CAPN12: variants seen among roughly 807,000 people sequenced by gnomAD.
The protein encoded by CAPN12 is calpain 12.
A neutral mutation model predicts 95.0 loss-of-function variants in CAPN12; 107 were observed. The ratio of observed to expected loss-of-function variants is 1.13; its 90% CI spans 0.96 to 1.32. The LOEUF (loss-of-function observed/expected upper bound fraction) is 1.32. Among genes scored for constraint, CAPN12 ranks in the 40% most tolerant of loss-of-function variants. The pLI is 0.00. For synonymous variants in CAPN12, 505 were observed against 415.5 expected (o/e 1.22, Z -2.62); for missense variants, 1,136 against 997.8 (o/e 1.14, Z -1.87).
chr19:38,733,455 A>C, intron 18 of CAPN12: 8 of 486,892 alleles, frequency 1.6e-5, no homozygotes, highest in South Asian at 6.1e-5. Context: ...TCCCTGCCCC[A>C]GAACCCCTAC....
chr19:38,733,551 C>T (rs1027854044), intron 18 of CAPN12, 152 bp downstream of exon 18: 6 of 674,664 alleles, frequency 8.9e-6, no homozygotes, highest in South Asian at 3.8e-5. Flanking sequence ...TCAGGGTCAC[C>T]CAACCCCTGC....
In CAPN12 at chr19:38,738,181, A is replaced by C. The variant is rs1299834043; in HGVS notation, c.965+92T>G. Reference sequence around the variant, plus strand: ...CCACCGATGTACACAGTTTCTCCCTATTAGGACCCATCCTTCAACTGGGGC... The same window carrying C: ...CCACCGATGTACACAGTTTCTCCCTCTTAGGACCCATCCTTCAACTGGGGC... On this transcript the variant is annotated intron_variant, in intron 8 of 20. Transcript: ENST00000328867. 10 of 1,327,676 alleles carry C rather than the reference A, an allele frequency of 7.5e-6. No individual in the cohort carries two copies. The East Asian group carries it at 9.6e-5, about 13-fold the overall frequency. The allele number at this position is 1,327,676 out of a possible 1,614,324, so 82.2% of individuals were successfully genotyped here.
intron 2 of CAPN12, 44 bp from the exon 3 acceptor site, chr19:38,742,572 G>A (rs1970613043): frequency 7.4e-7 from 1 of 1,346,758 alleles, no homozygotes; most frequent in Non-Finnish European, 1.0e-6. Flanking sequence ...AAGGAGGGAG[G>A]CCTGGTGCGG....
At chr19:38,741,189 T>C (rs1411058218) in intron 4 of CAPN12, among the ~76,000 whole-genome samples, 1 of 152,092 alleles carries the variant, frequency 6.6e-6, no homozygotes, top group East Asian at 1.9e-4. Context: ...GGGCCTGATA[T>C]ATGAGATTTC....
Position 38,742,507 on chromosome 19 carries a change from G to T in CAPN12, c.329C>A (p.Ala110Asp), listed in dbSNP as rs777633626. 6 of 1,612,222 alleles carry T rather than the reference G, an allele frequency of 3.7e-6. No homozygotes were observed. In the Admixed American group the frequency reaches 8.4e-5, roughly 23 times the overall value. The change falls in exon 3 of 21, where the codon GCT becomes GAT. Residue 110 changes from alanine (A) to aspartate (D), a missense_variant. Ala to Asp is a moderately radical substitution (Grantham distance 126). Transcript: ENST00000328867. Reference sequence around the variant, plus strand: ...GGGATACAGAGTAAGGGAGGCGGCAGCTGCAAGGAACCAGCAGTTACCTGG... The same window carrying T: ...GGGATACAGAGTAAGGGAGGCGGCATCTGCAAGGAACCAGCAGTTACCTGG... ...GSLGNCWFLA[A>D]AASLTLYPRL...
At position 38,730,963 on chromosome 19, in the gene CAPN12, A is replaced by C. The variant is rs149152357; in HGVS notation, c.2133+2T>G. The C allele has an allele frequency of 4.1e-5, 63 of 1,550,494 alleles. No homozygotes were observed. The highest frequency in any genetic ancestry group is 3.3e-4 in the Middle Eastern group (2 of 6,008). On this transcript the variant is annotated splice_donor_variant, in intron 20 of 20. Coordinates refer to ENST00000328867, the MANE Select transcript of CAPN12 (RefSeq NM_144691.4). LOFTEE classifies it high-confidence loss of function. Reference sequence around the variant, plus strand: ...CCACCCTGTCCCTCCCACCTGGCTCACCTGTCTGTGGGTCAGGCAGATGAC... The same window carrying C: ...CCACCCTGTCCCTCCCACCTGGCTCCCCTGTCTGTGGGTCAGGCAGATGAC...
At chr19:38,743,788 C>A in intron 1 of CAPN12, 141 bp downstream of exon 1, 1 of 756,960 alleles carries the variant, frequency 1.3e-6, no homozygotes, top group African/African-American at 1.8e-5. Context: ...CTCCCTCAGA[C>A]CTAAGAGTCC....
rs540993816 is a variant in CAPN12, at chr19:38,737,177, G to GGTGAGGTAA, written c.1332_1340dup (p.Tyr445_Thr447dup). The GGTGAGGTAA allele has an allele frequency of 8.9e-4, 1,337 of 1,496,336 alleles. 26 individuals are homozygous for GGTGAGGTAA. The South Asian group carries it at 0.015, about 17-fold the overall frequency. 92.7% of individuals were successfully genotyped at this position (1,496,336 alleles called of 1,614,324 possible). A position where few individuals can be genotyped will look rare whatever the true frequency, so the allele number is the denominator to read the frequency against. On this transcript the variant is annotated inframe_insertion, in exon 10 of 21. Coordinates refer to ENST00000328867, the MANE Select transcript of CAPN12 (RefSeq NM_144691.4). ...TCACCTGGAACACGTGGAAGCCAACGGTGAGGTAAGTGAGGCCCTTGGCTC... is the reference window on the plus strand; with the variant it reads ...TCACCTGGAACACGTGGAAGCCAACGGTGAGGTAAGTGAGGTAAGTGAGGCCCTTGGCTC...
Position 38,730,202 on chromosome 19 carries a change from ATTTAC to A in CAPN12, c.*645_*649del, listed in dbSNP as rs759092967. The A allele has an allele frequency of 6.4e-5, 10 of 157,032 alleles. No individual in the cohort carries two copies. Among genetic ancestry groups the A allele is most frequent in the South Asian group, 1.8e-4 (1 of 5,592 alleles). 9.7% of individuals were successfully genotyped at this position (157,032 alleles called of 1,614,324 possible). On this transcript the variant is annotated 3_prime_UTR_variant, in exon 21 of 21. Coordinates refer to ENST00000328867, the MANE Select transcript of CAPN12 (RefSeq NM_144691.4). ...AATTAAAAACTTTCAGAGAATTACT[ATTTAC>A]TTTATTAACTTACGGATTTATTATA...
chr19:38,744,094 C>G lies in CAPN12; in HGVS notation c.72G>C (p.Leu24=), dbSNP rs757979607. 6.2e-7 allele frequency: 1 copy of G among 1,614,054 alleles called. No individual in the cohort carries two copies. Among genetic ancestry groups the G allele is most frequent in the African/African-American group, 1.3e-5 (1 of 74,946 alleles). Residue 24 remains leucine (L), a synonymous_variant, in exon 1 of 21, where the codon CTG becomes CTC. Coordinates refer to ENST00000328867, the MANE Select transcript of CAPN12 (RefSeq NM_144691.4). The part of the protein sequence containing the change: ...DEEAGVGAGR[L]QLFRGQSYEA... The stretch of plus-strand genomic sequence containing the variant: ...CATAGCTCTGGCCCCGAAAAAGCTG[C>G]AGGCGCCCGGCTCCGACCCCAGCCT...
chr19:38,735,576 G>A lies in CAPN12; in HGVS notation c.1584-32C>T, dbSNP rs571351821. On this transcript the variant is annotated intron_variant, in intron 12 of 20. Transcript: ENST00000328867. ...ATTACAGATGGGAAGTGGGGAGGGG[G>A]CTGTTTGCCCCAGCTGGGGCTGTGT... 82 of 1,604,282 alleles carry A rather than the reference G, an allele frequency of 5.1e-5. 1 individual carries two copies. The highest frequency in any genetic ancestry group is 3.4e-4 in the Middle Eastern group (2 of 5,902).
Position 38,740,035 on chromosome 19 carries a change from A to T in CAPN12, c.729+16T>A. 1 of 1,543,252 alleles carries T rather than the reference A, an allele frequency of 6.5e-7. No individual in the cohort carries two copies. The highest frequency in any genetic ancestry group is 8.7e-7 in the Non-Finnish European group (1 of 1,144,436). The stretch of plus-strand genomic sequence containing the variant: ...GGTCCTGGTGGGGGTTCCGCATGCG[A>T]GTCCAGGTCTCTTACCAGGGCAGTG... On this transcript the variant is annotated intron_variant, in intron 5 of 20. Coordinates refer to ENST00000328867, the MANE Select transcript of CAPN12 (RefSeq NM_144691.4).
intron 4 of CAPN12, among the ~76,000 whole-genome samples, chr19:38,740,524 G>A (rs777421621): frequency 6.6e-6 from 1 of 152,160 alleles, no homozygotes; most frequent in Non-Finnish European, 1.5e-5. Context: ...TCTTGGCCAG[G>A]CATGGTGGCT....
chr19:38,733,155 A>G (rs1280677046), intron 18 of CAPN12: 1 of 151,326 alleles, frequency 6.6e-6, no homozygotes, highest in Non-Finnish European at 1.5e-5. Flanking sequence ...CCCAGGCACA[A>G]TCACGGCTCA....
intron 2 of CAPN12, among the ~76,000 whole-genome samples, 190 bp from the exon 3 acceptor site, chr19:38,742,718 G>T: frequency 6.6e-6 from 1 of 151,994 alleles, no homozygotes; most frequent in Non-Finnish European, 1.5e-5. Context: ...GGGCATGGTG[G>T]CATGCACCTG....
intron 10 of CAPN12, chr19:38,736,856 C>T: frequency 1.7e-6 from 1 of 588,750 alleles, no homozygotes; most frequent in Non-Finnish European, 3.0e-6. Context: ...TCCCTGAGCC[C>T]CTCCCTCTCA....
At chr19:38,737,685 G>A (rs772389052) in intron 8 of CAPN12, 47 bp from the exon 9 acceptor site, 2 of 1,482,798 alleles carry the variant, frequency 1.3e-6, no homozygotes, top group Non-Finnish European at 1.8e-6. Context: ...CCTCGAGGGG[G>A]TCCCAAGATC....
chr19:38,730,938 CCACCCTGTCCCTCCCACCTGGCT>C lies in CAPN12; in HGVS notation c.2133+4_2133+26del. On this transcript the variant is annotated splice_donor_5th_base_variant and intron_variant, in intron 20 of 20. Coordinates refer to ENST00000328867, the MANE Select transcript of CAPN12 (RefSeq NM_144691.4). ...GGGAGCTCGCAGGACAGAGCCTGAG[CCACCCTGTCCCTCCCACCTGGCT>C]CACCTGTCTGTGGGTCAGGCAGATG... 1 of 1,550,474 alleles carries C rather than the reference CCACCCTGTCCCTCCCACCTGGCT, an allele frequency of 6.4e-7. No individual in the cohort carries two copies. The highest frequency in any genetic ancestry group is 8.7e-7 in the Non-Finnish European group (1 of 1,147,014).
chr19:38,731,118 G>T lies in CAPN12; in HGVS notation c.2063C>A (p.Thr688Asn). ...ERFVSCVAHL[T>N]CIFCHCSQHL... ...GGGGTGGTACTCACAGAAGATGCAG[G>T]TGAGGTGGGCCACACAGGACACGAA... The change falls in exon 19 of 21, where the codon ACC becomes AAC. Residue 688 changes from threonine (T) to asparagine (N), a missense_variant. Transcript: ENST00000328867. 1 of 1,612,068 alleles carries T rather than the reference G, an allele frequency of 6.2e-7. No homozygotes were observed.
Sources: gnomAD v4.1 joint callset for allele counts (sites outside exome capture counted in the v4.1 genomes callset) on GRCh38, gnomAD v4.1.1 for gene constraint, MANE v1.5 for transcripts, NCBI Gene and HGNC (gene_info 2026-07-23, HGNC 2026-07-21) for gene names.